CREB3L2: variants seen among roughly 807,000 people sequenced by gnomAD.
The protein encoded by CREB3L2 is cAMP responsive element binding protein 3 like 2.
Under a neutral mutation model 57.2 loss-of-function variants are expected in CREB3L2, and 23 were observed. The observed-to-expected ratio is 0.40, with a 90% CI of 0.29 to 0.57. CREB3L2 has a LOEUF of 0.57. CREB3L2 is among the 20% of genes least tolerant of loss of function. CREB3L2 has a pLI of 0.42. For synonymous variants in CREB3L2, 268 were observed against 265.1 expected, an observed-to-expected ratio of 1.01 and a Z score of -0.11; for missense variants, 628 against 634.7, an observed-to-expected ratio of 0.99 and a Z score of 0.11.
intron 1 of CREB3L2, among the ~76,000 whole-genome samples, chr7:137,975,003 G>A (rs1324718635): frequency 6.6e-6 from 1 of 152,170 alleles, no homozygotes; most frequent in Non-Finnish European, 1.5e-5. Context: ...GACAGTTACA[G>A]AATGAGAAGA....
chr7:137,929,820 G>C (rs1800573408), intron 1 of CREB3L2, among the ~76,000 whole-genome samples: 1 of 150,404 alleles, frequency 6.6e-6, no homozygotes, highest in South Asian at 2.1e-4. Context: ...AGTGAGCCAA[G>C]ATCGAGCCAC....
At chr7:137,944,261 C>T (rs746982588) in intron 1 of CREB3L2, among the ~76,000 whole-genome samples, 3 of 152,102 alleles carry the variant, frequency 2.0e-5, no homozygotes, top group Non-Finnish European at 4.4e-5. Context: ...ACACAGAGTC[C>T]GTGTGTGGAA....
chr7:137,889,896 G>A (rs776037522), intron 8 of CREB3L2, among the ~76,000 whole-genome samples: 41 of 152,278 alleles, frequency 2.7e-4, no homozygotes, highest in Non-Finnish European at 4.3e-4. Flanking sequence ...TCAAAGTCAC[G>A]TAGCTAATAA....
intron 1 of CREB3L2, among the ~76,000 whole-genome samples, chr7:137,960,682 C>G (rs1242131728): frequency 6.6e-6 from 1 of 152,100 alleles, no homozygotes; most frequent in African/African-American, 2.4e-5. Flanking sequence ...AATTAATTAA[C>G]TGTGCATATT....
In CREB3L2 at chr7:138,001,383, A is replaced by T. The variant is rs542399476; in HGVS notation, c.102+221T>A. Among the ~76,000 whole-genome samples, 2 of 152,308 alleles carry T rather than the reference A, an allele frequency of 1.3e-5. No individual in the cohort carries two copies. The highest frequency in any genetic ancestry group is 3.9e-4 in the East Asian group (2 of 5,186). On this transcript the variant is annotated intron_variant, in intron 1 of 11. Transcript: ENST00000330387. This position sits in a 1 kb window ranked among gnomAD's most constrained non-coding sequence, Gnocchi z 4.2. ...TCAGGGAAAAAAGCATGAATTGTTA[A>T]AGGAATACAAAGTGGCATTACTCTC... is the stretch of plus-strand genomic sequence containing the variant.
intron 7 of CREB3L2, among the ~76,000 whole-genome samples, 191 bp from the exon 8 acceptor site, chr7:137,901,613 G>A (rs866616394): frequency 1.3e-5 from 2 of 151,752 alleles, no homozygotes; most frequent in African/African-American, 4.8e-5. Context: ...GGGCACGGTG[G>A]CTCACGCCTG....
chr7:137,884,661 C>T (rs567291745), intron 10 of CREB3L2: 37 of 578,472 alleles, frequency 6.4e-5, no homozygotes, highest in South Asian at 1.3e-4. Flanking sequence ...TCTCTTAAAA[C>T]GTCACAGAAA....
chr7:137,994,637 C>T (rs1801956303), intron 1 of CREB3L2, among the ~76,000 whole-genome samples: 1 of 152,132 alleles, frequency 6.6e-6, no homozygotes, highest in Non-Finnish European at 1.5e-5. Context: ...GGTAGCACAG[C>T]TAAATAATAT....
intron 8 of CREB3L2, among the ~76,000 whole-genome samples, chr7:137,888,964 T>A (rs529107589): frequency 6.6e-6 from 1 of 152,132 alleles, no homozygotes; most frequent in East Asian, 1.9e-4. Context: ...TCCAAAGTCT[T>A]AAGCTGTTTT....
At chr7:137,985,707 C>T (rs939033890) in intron 1 of CREB3L2, among the ~76,000 whole-genome samples, 2 of 152,192 alleles carry the variant, frequency 1.3e-5, no homozygotes, top group East Asian at 1.9e-4. Flanking sequence ...CCTCTTGTAA[C>T]TTAAAGAGTG....
intron 1 of CREB3L2, among the ~76,000 whole-genome samples, chr7:137,944,668 GAA>G: frequency 6.6e-6 from 1 of 152,246 alleles, no homozygotes; most frequent in South Asian, 2.1e-4. Context: ...AAGTGGCTAT[GAA>G]AACAAACTGC....
chr7:137,901,253 ACCT>A (rs1799748513), intron 8 of CREB3L2, 98 bp downstream of exon 8: 3 of 774,850 alleles, frequency 3.9e-6, no homozygotes, highest in African/African-American at 3.5e-5. Context: ...TTTCACTGTG[ACCT>A]CCTCCACTTT....
At chr7:137,906,211 G>A (rs1799889977) in intron 5 of CREB3L2, among the ~76,000 whole-genome samples, 1 of 152,312 alleles carries the variant, frequency 6.6e-6, no homozygotes, top group East Asian at 1.9e-4. Flanking sequence ...TTCATTTGCA[G>A]CCCTGCTTTG....
At chr7:137,947,555 C>A (rs1441931397) in intron 1 of CREB3L2, among the ~76,000 whole-genome samples, 3 of 152,128 alleles carry the variant, frequency 2.0e-5, no homozygotes, top group East Asian at 3.9e-4. Flanking sequence ...CGCCATTTGC[C>A]CCCCTTGGCT....
At chr7:137,886,198 A>T (rs1714453109) in intron 8 of CREB3L2, among the ~76,000 whole-genome samples, 1 of 152,254 alleles carries the variant, frequency 6.6e-6, no homozygotes, top group African/African-American at 2.4e-5. Flanking sequence ...CAGACTAAGA[A>T]AATGTCGATT....
intron 1 of CREB3L2, among the ~76,000 whole-genome samples, chr7:137,987,335 A>G (rs1801809389): frequency 6.6e-6 from 1 of 152,204 alleles, no homozygotes; most frequent in South Asian, 2.1e-4. Flanking sequence ...TGACTTTTTA[A>G]TGGTACTGAA....
At chr7:137,928,420 A>T (rs944446878) in intron 1 of CREB3L2, 54 bp from the exon 2 acceptor site, 1 of 1,402,434 alleles carries the variant, frequency 7.1e-7, no homozygotes, top group African/African-American at 1.4e-5. Flanking sequence ...AATGTGACAG[A>T]TACCCTACGC....
intron 8 of CREB3L2, among the ~76,000 whole-genome samples, chr7:137,888,985 T>C (rs1020999611): frequency 4.7e-5 from 7 of 149,982 alleles, no homozygotes; most frequent in African/African-American, 1.7e-4. Flanking sequence ...GAAAGGGGAA[T>C]GACCACTTCC....
At chr7:137,895,553 C>G (rs959818693) in intron 8 of CREB3L2, among the ~76,000 whole-genome samples, 2 of 150,162 alleles carry the variant, frequency 1.3e-5, no homozygotes, top group Non-Finnish European at 3.0e-5. Flanking sequence ...TCTCCCGGCC[C>G]TGTCCTCTTC....
Sources: allele counts gnomAD v4.1 joint callset (sites outside exome capture counted in the v4.1 genomes callset), GRCh38; gene constraint gnomAD v4.1.1; non-coding constraint Gnocchi (gnomAD v3.1); transcripts MANE v1.5; gene names NCBI Gene and HGNC (gene_info 2026-07-23, HGNC 2026-07-21).